The following LIPI variants were observed in gnomAD, a reference collection of about 807,000 sequenced individuals.
The protein encoded by LIPI is lipase I.
A neutral mutation model predicts 50.6 loss-of-function variants in LIPI; 59 were observed. The observed-to-expected ratio is 1.16, with a 90% confidence interval of 0.94 to 1.45. The LOEUF (loss-of-function observed/expected upper bound fraction) is 1.45, where lower values mean the gene tolerates loss of function less well. LIPI is among the 40% of genes most tolerant of loss of function. The pLI, the probability that LIPI is intolerant of heterozygous loss-of-function variation, is 0.00. For missense variants in LIPI, 586 were observed against 536.3 expected (o/e 1.09, Z -0.92); for synonymous variants, 203 against 178.2 (o/e 1.14, Z -1.11).
chr21:14,110,297 T>A (rs974124800), intron 9 of LIPI, among the ~76,000 whole-genome samples: 1 of 151,444 alleles, frequency 6.6e-6, no homozygotes, highest in African/African-American at 2.4e-5. Context: ...TAATATTCTC[T>A]TTTTTTTGCC....
intron 1 of LIPI, among the ~76,000 whole-genome samples, chr21:14,199,642 T>C (rs906347367): frequency 1.3e-5 from 2 of 148,888 alleles, no homozygotes; most frequent in Non-Finnish European, 3.0e-5. Context: ...TGGGACCACA[T>C]GTATTCACAG....
At chr21:14,201,566 C>T (rs1203777599) in intron 1 of LIPI, among the ~76,000 whole-genome samples, 1 of 152,128 alleles carries the variant, frequency 6.6e-6, no homozygotes, top group African/African-American at 2.4e-5. Flanking sequence ...AGCATATAAA[C>T]AGAACCAACG....
intron 1 of LIPI, among the ~76,000 whole-genome samples, chr21:14,200,194 G>C (rs1211757235): frequency 1.3e-5 from 2 of 151,950 alleles, no homozygotes; most frequent in African/African-American, 4.8e-5. Context: ...AACCAGCCAA[G>C]ACAAGGATAC....
chr21:14,144,803 G>A lies in LIPI; in HGVS notation c.1119-4C>T. Reference sequence around the variant, plus strand: ...TTTATAAAATGGTTTGTTCTTTCTAGAGAGAAAATTTGATACACGCAGCAT... The same window carrying A: ...TTTATAAAATGGTTTGTTCTTTCTAAAGAGAAAATTTGATACACGCAGCAT... On this transcript the variant is annotated splice_polypyrimidine_tract_variant and splice_region_variant and intron_variant, in intron 8 of 9. Coordinates refer to ENST00000681601, the MANE Select transcript of LIPI (RefSeq NM_001302998.2). The A allele has an allele frequency of 6.5e-7, 1 of 1,550,008 alleles. No homozygotes were observed. Among genetic ancestry groups the A allele is most frequent in the Non-Finnish European group, 8.9e-7 (1 of 1,124,072 alleles).
intron 9 of LIPI, among the ~76,000 whole-genome samples, chr21:14,113,940 C>T (rs1177753531): frequency 6.6e-6 from 1 of 152,138 alleles, no homozygotes; most frequent in Non-Finnish European, 1.5e-5. Context: ...GTAATCCCAA[C>T]ACCTTGGGAG....
In LIPI at chr21:14,125,197, C is replaced by A. The variant is rs1019284262; in HGVS notation, c.1296-16117G>T. Reference sequence around the variant, plus strand: ...CACATGCATAAGAGTTTGAAAAGCACTAGAAATGGTGACTCTGTGGGTAAA... The same window carrying A: ...CACATGCATAAGAGTTTGAAAAGCAATAGAAATGGTGACTCTGTGGGTAAA... On this transcript the variant is annotated intron_variant, in intron 9 of 9. Transcript: ENST00000681601. Among the ~76,000 whole-genome samples, 28 of 152,216 alleles carry A rather than the reference C, an allele frequency of 1.8e-4. No homozygotes were observed. The East Asian group carries it at 5.0e-3, about 27-fold the overall frequency.
Position 14,189,152 on chromosome 21 carries a change from T to A in LIPI, c.314A>T (p.Asp105Val), listed in dbSNP as rs2019562932. 1 of 1,614,016 alleles carries A rather than the reference T, an allele frequency of 6.2e-7. No homozygotes were observed. The highest frequency in any genetic ancestry group is 1.1e-5 in the South Asian group (1 of 91,092). ...CCAGTCTACTACAATTACATTCATA[T>A]CTTCTTCATTCAGCAAAATCCTTAC... Reference protein sequence around the residue: ...NFVRILLNEEDMNVIVVDWSR... With the variant: ...NFVRILLNEEVMNVIVVDWSR... The change falls in exon 2 of 10, where the codon GAT becomes GTT. Residue 105 changes from aspartate to valine, a missense_variant. Coordinates refer to ENST00000681601, the MANE Select transcript of LIPI (RefSeq NM_001302998.2).
chr21:14,152,525 A>T (rs372064060), intron 8 of LIPI, 48 bp downstream of exon 8: 16 of 921,736 alleles, frequency 1.7e-5, no homozygotes, highest in Non-Finnish European at 2.8e-5. Context: ...ATACTGAAGA[A>T]AGCAAACATT....
At chr21:14,173,361 G>A (rs1291656266) in intron 4 of LIPI, among the ~76,000 whole-genome samples, 1 of 152,196 alleles carries the variant, frequency 6.6e-6, no homozygotes, top group East Asian at 1.9e-4. Flanking sequence ...AGCAGTTTGA[G>A]TCAGAGTGAC....
intron 9 of LIPI, among the ~76,000 whole-genome samples, chr21:14,133,831 A>G (rs918315574): frequency 6.6e-6 from 1 of 152,220 alleles, no homozygotes; most frequent in African/African-American, 2.4e-5. Flanking sequence ...CTATACATCA[A>G]TAATGATCTA....
intron 1 of LIPI, among the ~76,000 whole-genome samples, chr21:14,201,892 A>T (rs1253681299): frequency 1.3e-5 from 2 of 152,180 alleles, no homozygotes; most frequent in Non-Finnish European, 2.9e-5. Flanking sequence ...GAGGAAGTCA[A>T]ATTGTCCCTG....
intron 1 of LIPI, among the ~76,000 whole-genome samples, chr21:14,204,796 C>T (rs413234): frequency 0.57 from 86,075 of 151,586 alleles, 24,935 homozygotes; most frequent in African/African-American, 0.65. Flanking sequence ...AAAGTAAAAT[C>T]ATATGAACTA....
intron 7 of LIPI, among the ~76,000 whole-genome samples, chr21:14,162,854 G>C (rs1396506368): frequency 1.3e-5 from 2 of 151,586 alleles, no homozygotes; most frequent in African/African-American, 4.8e-5. Flanking sequence ...CACATAAAAA[G>C]GACTCATTTT....
chr21:14,155,144 C>T (rs568506205), intron 7 of LIPI, among the ~76,000 whole-genome samples: 2 of 152,030 alleles, frequency 1.3e-5, no homozygotes, highest in African/African-American at 2.4e-5. Context: ...GTGGCTCCAT[C>T]GTGCAATGAA....
chr21:14,209,653 T>C (rs941165101), intron 1 of LIPI, among the ~76,000 whole-genome samples: 1 of 152,154 alleles, frequency 6.6e-6, no homozygotes, highest in Non-Finnish European at 1.5e-5. Flanking sequence ...AAAGCAATTA[T>C]GTTTGAATTT....
At chr21:14,206,966 A>C (rs1320675778) in intron 1 of LIPI, 1 of 1,288,924 alleles carries the variant, frequency 7.8e-7, no homozygotes, top group Non-Finnish European at 1.1e-6. Context: ...TTGTTTATTC[A>C]TGTATAATAA....
intron 4 of LIPI, among the ~76,000 whole-genome samples, chr21:14,172,568 G>C (rs2018953530): frequency 6.6e-6 from 1 of 151,602 alleles, no homozygotes; most frequent in South Asian, 2.1e-4. Flanking sequence ...CCTTTGTAGG[G>C]ACATGGATGA....
rs569655072 is a variant in LIPI, at chr21:14,205,463, C to T, written c.46+5337G>A. Among the ~76,000 whole-genome samples, 15 of 151,806 alleles carry T rather than the reference C, an allele frequency of 9.9e-5. No homozygotes were observed. In the South Asian group the frequency reaches 1.7e-3, roughly 17 times the overall value. ...TGAATATATATTTCTGCATATATAG[C>T]CCATATTTATATAGTACTCATTTTA... On this transcript the variant is annotated intron_variant, in intron 1 of 9. Transcript: ENST00000681601.
rs762616180 is a variant in LIPI, at chr21:14,163,418, C to G, written c.1006+1G>C. 1.5e-6 allele frequency: 2 copies of G among 1,328,426 alleles called. No homozygotes were observed. Among genetic ancestry groups the G allele is most frequent in the Non-Finnish European group, 2.2e-6 (2 of 920,318 alleles). The allele number at this position is 1,328,426 out of a possible 1,614,324, so 82.3% of individuals were successfully genotyped here. ...ATTTGTTAAAATTGTTAATAACTTA[C>G]TACAGAATGGATATGTACCACTTGT... is the stretch of plus-strand genomic sequence containing the variant. On this transcript the variant is annotated splice_donor_variant, in intron 7 of 9. Coordinates refer to ENST00000681601, the MANE Select transcript of LIPI (RefSeq NM_001302998.2). LOFTEE classifies it high-confidence loss of function.
Sources: allele counts gnomAD v4.1 joint callset (sites outside exome capture counted in the v4.1 genomes callset), GRCh38; gene constraint gnomAD v4.1.1; transcripts MANE v1.5; gene names NCBI Gene and HGNC (gene_info 2026-07-23, HGNC 2026-07-21).